Variants in KHK observed in about 807,000 individuals in gnomAD.
KHK encodes the protein fructokinase.
A neutral mutation model predicts 36.0 loss-of-function variants in KHK; 37 were observed. The ratio of observed to expected loss-of-function variants is 1.03; its 90% CI spans 0.79 to 1.35. The LOEUF is 1.35. KHK is among the 40% of genes most tolerant of loss of function. The pLI is 0.00. For synonymous variants in KHK, 161 were observed against 162.8 expected (o/e 0.99, Z 0.08); for missense variants, 395 against 391.9 (o/e 1.01, Z -0.07).
intron 1 of KHK, among the ~76,000 whole-genome samples, chr2:27,091,606 A>G (rs897546429): frequency 6.6e-6 from 1 of 152,222 alleles, no homozygotes; most frequent in Non-Finnish European, 1.5e-5. Flanking sequence ...AAAGGTAATA[A>G]CATTCATTAA....
Position 27,100,440 on chromosome 2 carries a change from C to A in KHK, c.*690C>A. The A allele has an allele frequency of 7.7e-7, 1 of 1,291,022 alleles. No individual in the cohort carries two copies. Among genetic ancestry groups the A allele is most frequent in the Non-Finnish European group, 1.0e-6 (1 of 988,876 alleles). 80.0% of individuals were successfully genotyped at this position (1,291,022 alleles called of 1,614,324 possible). A position where few individuals can be genotyped will look rare whatever the true frequency, so the allele number is the denominator to read the frequency against. On this transcript the variant is annotated 3_prime_UTR_variant, in exon 8 of 8. Transcript: ENST00000260598. ...CCTTGGAATTAAGGGCGTGCCTCAG[C>A]CACAAATGTGACCCAGGATACAGAG... is the stretch of plus-strand genomic sequence containing the variant.
At chr2:27,099,049 C>A (rs1337017233) in intron 5 of KHK, 147 bp from the exon 6 acceptor site, 4 of 801,244 alleles carry the variant, frequency 5.0e-6, no homozygotes, top group Non-Finnish European at 8.9e-6. Context: ...AAAAAGAAAA[C>A]CACGTTCCCG....
rs1055959708 is a variant in KHK, at chr2:27,100,295, G to A, written c.*545G>A. The stretch of plus-strand genomic sequence containing the variant: ...AGCTGAACTGACAGGCCAGTGGGGG[G>A]CAGGGGTGCGCCTCCTCTGCCCTGC... On this transcript the variant is annotated 3_prime_UTR_variant, in exon 8 of 8. Transcript: ENST00000260598. The A allele has an allele frequency of 1.4e-5, 7 of 509,764 alleles. No homozygotes were observed. The highest frequency in any genetic ancestry group is 9.9e-5 in the African/African-American group (5 of 50,596). The allele number at this position is 509,764 out of a possible 1,614,324, so 31.6% of individuals were successfully genotyped here. A position where few individuals can be genotyped will look rare whatever the true frequency, so the allele number is the denominator to read the frequency against.
chr2:27,092,544 A>C, intron 2 of KHK, 96 bp downstream of exon 2: 1 of 915,442 alleles, frequency 1.1e-6, no homozygotes, highest in Non-Finnish European at 1.8e-6. Flanking sequence ...GGGATTAGAA[A>C]TGGGTTGTGT....
At position 27,094,555 on chromosome 2, in the gene KHK, C is replaced by T. The variant is rs202153228; in HGVS notation, c.210-245C>T. On this transcript the variant is annotated intron_variant, in intron 2 of 7. Coordinates refer to ENST00000260598, the MANE Select transcript of KHK (RefSeq NM_006488.3). ...TTCAGACCACAGGCTCCGTCCCCATCGCCACGGTCATCATCAACGAGGCCA... is the reference window on the plus strand; with the variant it reads ...TTCAGACCACAGGCTCCGTCCCCATTGCCACGGTCATCATCAACGAGGCCA... 5.5e-5 allele frequency: 88 copies of T among 1,614,148 alleles called. 1 individual carries two copies. The East Asian group carries it at 1.8e-3, about 34-fold the overall frequency.
chr2:27,089,031 C>T (rs143948264), intron 1 of KHK, among the ~76,000 whole-genome samples: 96 of 152,280 alleles, frequency 6.3e-4, no homozygotes, highest in African/African-American at 2.2e-3. Flanking sequence ...ATACTCTCCT[C>T]CCAGCAGCCC....
intron 1 of KHK, among the ~76,000 whole-genome samples, chr2:27,091,270 T>C (rs1002658456): frequency 6.6e-6 from 1 of 151,778 alleles, no homozygotes; most frequent in Non-Finnish European, 1.5e-5. Flanking sequence ...TTTTTTTTTT[T>C]AGAGACAAGA....
chr2:27,097,400 G>A lies in KHK; in HGVS notation c.418-103G>A, dbSNP rs1002527322. 4.6e-6 allele frequency: 7 copies of A among 1,506,824 alleles called. No homozygotes were observed. The African/African-American group carries it at 5.5e-5, about 12-fold the overall frequency. The allele number at this position is 1,506,824 out of a possible 1,614,324, so 93.3% of individuals were successfully genotyped here. On this transcript the variant is annotated intron_variant, in intron 4 of 7. Transcript: ENST00000260598. ...GATGGGGTTCTAGCCCAGCCTCCCCGAGGCCCTCTCCCTCCTCACCCAGAG... is the reference window on the plus strand; with the variant it reads ...GATGGGGTTCTAGCCCAGCCTCCCCAAGGCCCTCTCCCTCCTCACCCAGAG...
At chr2:27,094,314 C>T (rs1443171486) in intron 2 of KHK, 6 of 803,816 alleles carry the variant, frequency 7.5e-6, no homozygotes, top group Middle Eastern at 3.4e-4. Context: ...GCATCTCCTG[C>T]CCTGTTGCAC....
intron 3 of KHK, 144 bp from the exon 4 acceptor site, chr2:27,096,585 C>T: frequency 1.3e-6 from 1 of 745,698 alleles, no homozygotes; most frequent in Non-Finnish European, 2.4e-6. Context: ...GGAGCTGAGC[C>T]TGAGAATCCT....
chr2:27,088,168 GTGCAACCA>G (rs1438671332), intron 1 of KHK: 1 of 145,390 alleles, frequency 6.9e-6, no homozygotes, highest in East Asian at 2.0e-4. Context: ...GAGTGCAGTG[GTGCAACCA>G]TGCTCACTGC....
rs1670651727 is a variant in KHK at position 27,099,509 on chromosome 2, C to T, written c.743C>T (p.Pro248Leu). 1 of 1,614,028 alleles carries T rather than the reference C, an allele frequency of 6.2e-7. No homozygotes were observed. The highest frequency in any genetic ancestry group is 1.3e-5 in the African/African-American group (1 of 74,918). Residue 248 changes from proline to leucine, a missense_variant, in exon 7 of 8, where the codon CCC (proline) becomes CTC (leucine). Transcript: ENST00000260598. ...CTCCACTCGGATGCTTTCCCGCCAC[C>T]CCGCGTGGTGGATACACTGGGAGCT... ...KLLHSDAFPP[P>L]RVVDTLGAGD...
At position 27,087,057 on chromosome 2, in the gene KHK, G is replaced by A; in HGVS notation, c.-203G>A. The A allele has an allele frequency of 5.5e-6, 3 of 540,752 alleles. No homozygotes were observed. The highest frequency in any genetic ancestry group is 6.3e-5 in the Admixed American group (2 of 31,622). The allele number at this position is 540,752 out of a possible 1,614,324, so 33.5% of individuals were successfully genotyped here. A position where few individuals can be genotyped will look rare whatever the true frequency, so the allele number is the denominator to read the frequency against. ...GGTTGGCTTTCCTAGACCCGCTCGG[G>A]TCTTCGGGTGTCGCGAGGAAGGGCC... On this transcript the variant is annotated 5_prime_UTR_variant, in exon 1 of 8. Coordinates refer to ENST00000260598, the MANE Select transcript of KHK (RefSeq NM_006488.3).
chr2:27,096,492 G>A (rs1428227089), intron 3 of KHK, among the ~76,000 whole-genome samples: 2 of 152,194 alleles, frequency 1.3e-5, no homozygotes, highest in African/African-American at 4.8e-5. Flanking sequence ...GACATGTGTT[G>A]CAGTTCAGTT....
chr2:27,089,216 C>A (rs1191175542), intron 1 of KHK, among the ~76,000 whole-genome samples: 1 of 152,208 alleles, frequency 6.6e-6, no homozygotes, highest in Non-Finnish European at 1.5e-5. Flanking sequence ...TACCCTGTCC[C>A]TTTGCTGTTG....
Position 27,099,767 on chromosome 2 carries a change from C to T in KHK, c.*17C>T, listed in dbSNP as rs756165954. The T allele has an allele frequency of 6.2e-6, 10 of 1,612,688 alleles. No individual in the cohort carries two copies. In the East Asian group the frequency reaches 1.8e-4, roughly 29 times the overall value. On this transcript the variant is annotated 3_prime_UTR_variant, in exon 8 of 8. Transcript: ENST00000260598. The stretch of plus-strand genomic sequence containing the variant: ...ATCGTGTGAGAGCAGGTGCCGGCTC[C>T]TCACACACCATGGAGACTACCATTG...
chr2:27,091,396 A>AT (rs897597359), intron 1 of KHK, among the ~76,000 whole-genome samples: 52 of 151,640 alleles, frequency 3.4e-4, no homozygotes, highest in African/African-American at 1.2e-3. Flanking sequence ...TCCTACTATC[A>AT]TTTTTTTTCT....
At chr2:27,096,317 A>G (rs1401419715) in intron 3 of KHK, among the ~76,000 whole-genome samples, 1 of 152,146 alleles carries the variant, frequency 6.6e-6, no homozygotes, top group Non-Finnish European at 1.5e-5. Context: ...GCCAGAAGTG[A>G]GGGGGACCAG....
chr2:27,097,447 G>A lies in KHK; in HGVS notation c.418-56G>A. On this transcript the variant is annotated intron_variant, in intron 4 of 7. Transcript: ENST00000260598. The stretch of plus-strand genomic sequence containing the variant: ...AGAGTTTCAGCGGGGCAGGAAGAAT[G>A]AGGCAGATTGGCCAGGCAGTGCCCA... 6 of 1,609,100 alleles carry A rather than the reference G, an allele frequency of 3.7e-6. No individual in the cohort carries two copies. In the South Asian group the frequency reaches 5.5e-5, roughly 15 times the overall value.
Sources: gnomAD v4.1 joint callset for allele counts (sites outside exome capture counted in the v4.1 genomes callset) on GRCh38, gnomAD v4.1.1 for gene constraint, MANE v1.5 for transcripts, NCBI Gene and HGNC (gene_info 2026-07-23, HGNC 2026-07-21) for gene names.